Variants in KLF15 observed in about 807,000 individuals in gnomAD.
KLF15 encodes the protein KLF transcription factor 15, also known as Krueppel-like factor 15.
Under a neutral mutation model 24.6 loss-of-function variants are expected in KLF15, and 4 were observed. The observed-to-expected ratio is 0.16, with a 90% CI of 0.08 to 0.37. KLF15 has a LOEUF of 0.37. Among genes scored for constraint, KLF15 ranks in the 10% least tolerant of loss-of-function variants. The pLI is 1.00. For synonymous variants in KLF15, 246 were observed against 236.3 expected (o/e 1.04, Z -0.37); for missense variants, 496 against 560.6 (o/e 0.88, Z 1.16).
At chr3:126,302,440 CT>C in the KLF15 span, among the ~76,000 whole-genome samples, 51,692 of 151,916 alleles carry the variant, frequency 0.34, 9,569 homozygotes, top group Non-Finnish European at 0.43. Context: ...GGCTGATTTT[CT>C]GTTTATTTCT....
chr3:126,304,602 G>A, the KLF15 span, among the ~76,000 whole-genome samples: 3 of 152,176 alleles, frequency 2.0e-5, no homozygotes, highest in African/African-American at 2.4e-5. Flanking sequence ...AAATGCTCTC[G>A]AGGCAATAAG....
the KLF15 span, among the ~76,000 whole-genome samples, chr3:126,292,915 G>C: frequency 6.6e-6 from 1 of 152,098 alleles, no homozygotes; most frequent in Non-Finnish European, 1.5e-5. Flanking sequence ...TGTCTGCCTG[G>C]TGGAGAAGAG....
Position 126,352,335 on chromosome 3 carries a change from T to G in KLF15, c.588A>C (p.Pro196=). 1 of 1,582,218 alleles carries G rather than the reference T, an allele frequency of 6.3e-7. No homozygotes were observed. Among genetic ancestry groups the G allele is most frequent in the Non-Finnish European group, 8.6e-7 (1 of 1,165,538 alleles). Residue 196 remains proline, a synonymous_variant, in exon 2 of 3, where the codon CCA becomes CCC. Transcript: ENST00000296233. ...SSGRERCSPP[P]GGASAGGAQG... is the part of the protein sequence containing the mutation. ...GGGCACCTCCTGCACTGGCACCACC[T>G]GGTGGAGGGGAACAGCGCTCTCTCC...
At chr3:126,327,280 G>T in the KLF15 span, among the ~76,000 whole-genome samples, 2 of 152,106 alleles carry the variant, frequency 1.3e-5, no homozygotes, top group African/African-American at 4.8e-5. Context: ...GGAAGCGTGG[G>T]GCAGACTCCT....
the KLF15 span, among the ~76,000 whole-genome samples, chr3:126,312,190 T>A: frequency 3.3e-5 from 5 of 152,300 alleles, no homozygotes; most frequent in East Asian, 9.6e-4. Context: ...CTTTTGGGAT[T>A]TTTTAGAGTT....
the KLF15 span, among the ~76,000 whole-genome samples, chr3:126,308,803 A>G: frequency 6.6e-6 from 1 of 152,168 alleles, no homozygotes; most frequent in African/African-American, 2.4e-5. Flanking sequence ...CGGAAGGAGG[A>G]CTTCATTCAC....
At chr3:126,298,629 T>G in the KLF15 span, among the ~76,000 whole-genome samples, 1 of 152,214 alleles carries the variant, frequency 6.6e-6, no homozygotes, top group Non-Finnish European at 1.5e-5. Context: ...TTGATCCATC[T>G]TGACTTGATT....
chr3:126,320,621 C>T, the KLF15 span, among the ~76,000 whole-genome samples: 171 of 152,316 alleles, frequency 1.1e-3, 3 homozygotes, highest in Non-Finnish European at 4.9e-4. Context: ...TGCATACATG[C>T]GTGCAGCATT....
the KLF15 span, among the ~76,000 whole-genome samples, chr3:126,315,819 C>G: frequency 6.6e-6 from 1 of 152,132 alleles, no homozygotes; most frequent in Admixed American, 6.5e-5. Context: ...GACTGTGCCA[C>G]TTCTGAATAA....
chr3:126,329,154 T>C, the KLF15 span, among the ~76,000 whole-genome samples: 1 of 152,232 alleles, frequency 6.6e-6, no homozygotes, highest in Admixed American at 6.5e-5. Context: ...TTGGAGTGGA[T>C]TTTCTGTGTA....
the KLF15 span, among the ~76,000 whole-genome samples, chr3:126,302,856 C>T: frequency 0.42 from 64,151 of 151,918 alleles, 13,812 homozygotes; most frequent in African/African-American, 0.46. Flanking sequence ...ATCTGGAAAT[C>T]TCTGTCTTTT....
chr3:126,301,948 T>TCCC, the KLF15 span, among the ~76,000 whole-genome samples: 5,313 of 151,552 alleles, frequency 0.035, 257 homozygotes, highest in African/African-American at 0.11. Context: ...CTTTTTTTTT[T>TCCC]CCTAGTTTCT....
the KLF15 span, among the ~76,000 whole-genome samples, chr3:126,303,163 T>A: frequency 1.3e-5 from 2 of 152,094 alleles, no homozygotes; most frequent in African/African-American, 4.8e-5. Flanking sequence ...TTACTTTTGG[T>A]CCATCAATTA....
chr3:126,333,901 G>A, the KLF15 span, among the ~76,000 whole-genome samples: 7 of 148,206 alleles, frequency 4.7e-5, no homozygotes, highest in African/African-American at 1.5e-4. Flanking sequence ...ACCCAATACA[G>A]GAGCACCCAG....
intron 2 of KLF15, among the ~76,000 whole-genome samples, 181 bp downstream of exon 2, chr3:126,351,660 C>T (rs1357445220): frequency 6.6e-6 from 1 of 152,238 alleles, no homozygotes; most frequent in Non-Finnish European, 1.5e-5. Flanking sequence ...GCTTCAGGAA[C>T]CAGGAGGACC....
downstream of KLF15, among the ~76,000 whole-genome samples, chr3:126,341,151 G>T (rs746012616): frequency 1.3e-5 from 2 of 152,200 alleles, no homozygotes. Context: ...CCTCCAGGAG[G>T]CACACTCATC....
intron 2 of KLF15, among the ~76,000 whole-genome samples, chr3:126,345,091 T>C (rs1451023064): frequency 6.6e-6 from 1 of 152,138 alleles, no homozygotes; most frequent in Non-Finnish European, 1.5e-5. Flanking sequence ...GTTCCCTCTT[T>C]CTAGAATGTT....
At chr3:126,330,494 G>A in the KLF15 span, among the ~76,000 whole-genome samples, 7 of 151,932 alleles carry the variant, frequency 4.6e-5, no homozygotes, top group African/African-American at 9.7e-5. Flanking sequence ...CATCATATGC[G>A]ATAAAAGTCA....
chr3:126,343,620 G>T lies in KLF15; in HGVS notation c.*107C>A. On this transcript the variant is annotated 3_prime_UTR_variant, in exon 3 of 3. Transcript: ENST00000296233. ...CCTCCCAGGCTTCAGAAGGTGGGCT[G>T]GTAACATTGCCATGTCCCTCTGGAG... 1 of 1,144,082 alleles carries T rather than the reference G, an allele frequency of 8.7e-7. No individual in the cohort carries two copies. The highest frequency in any genetic ancestry group is 1.3e-6 in the Non-Finnish European group (1 of 797,934). 70.9% of individuals were successfully genotyped at this position (1,144,082 alleles called of 1,614,324 possible).
Sources: gnomAD v4.1 joint callset for allele counts (sites outside exome capture counted in the v4.1 genomes callset) on GRCh38, gnomAD v4.1.1 for gene constraint, MANE v1.5 for transcripts, NCBI Gene and HGNC (gene_info 2026-07-23, HGNC 2026-07-21) for gene names.